SRPK2: variants seen among roughly 807,000 people sequenced by gnomAD.
SRPK2 encodes the protein SFRS protein kinase 2.
In SRPK2, 21 loss-of-function variants were observed where a neutral mutation model predicts 90.8. The ratio of observed to expected loss-of-function variants is 0.23; its 90% CI spans 0.16 to 0.33. The LOEUF (loss-of-function observed/expected upper bound fraction) is 0.33, where lower values mean the gene tolerates loss of function less well. Ranked by LOEUF, SRPK2 falls within the 10% of genes least tolerant of loss-of-function variation. The pLI is 1.00. For missense variants in SRPK2, 620 were observed against 869.0 expected, an observed-to-expected ratio of 0.71 and a Z score of 3.60; for synonymous variants, 288 against 311.1, an observed-to-expected ratio of 0.93 and a Z score of 0.78.
chr7:105,367,305 C>G (rs377326810), intron 2 of SRPK2, among the ~76,000 whole-genome samples: 2 of 152,108 alleles, frequency 1.3e-5, no homozygotes, highest in Non-Finnish European at 2.9e-5. Context: ...CTCTGTCACC[C>G]AGGCTGGAGT....
chr7:105,158,922 A>C (rs1806988256), intron 7 of SRPK2, among the ~76,000 whole-genome samples: 1 of 151,256 alleles, frequency 6.6e-6, no homozygotes, highest in Non-Finnish European at 1.5e-5. Flanking sequence ...TTCTGCCCTC[A>C]CCACATAACC....
intron 2 of SRPK2, chr7:105,245,083 C>A: frequency 2.0e-6 from 1 of 512,232 alleles, no homozygotes; most frequent in South Asian, 2.3e-5. Context: ...ACCTCTTTTT[C>A]TTAGTATTTC....
intron 7 of SRPK2, among the ~76,000 whole-genome samples, chr7:105,155,503 G>C (rs1031215114): frequency 6.6e-6 from 1 of 152,178 alleles, no homozygotes; most frequent in Non-Finnish European, 1.5e-5. Flanking sequence ...GCAAAGTTCA[G>C]AGATATTTCT....
At chr7:105,241,937 T>C (rs1208524198) in intron 2 of SRPK2, among the ~76,000 whole-genome samples, 1 of 150,390 alleles carries the variant, frequency 6.6e-6, no homozygotes, top group African/African-American at 2.4e-5. Context: ...CAAGAAAAGG[T>C]CATTGGGGCC....
At chr7:105,195,928 G>T (rs1437550414) in intron 3 of SRPK2, among the ~76,000 whole-genome samples, 1 of 152,188 alleles carries the variant, frequency 6.6e-6, no homozygotes, top group African/African-American at 2.4e-5. Context: ...CATTCTAGTG[G>T]CAAAGTCTAA....
intron 2 of SRPK2, among the ~76,000 whole-genome samples, chr7:105,339,610 C>T (rs1815508724): frequency 6.6e-6 from 1 of 152,170 alleles, no homozygotes; most frequent in African/African-American, 2.4e-5. Flanking sequence ...CTCCTGTGAT[C>T]CCTGAGAATA....
In SRPK2 at chr7:105,170,835, GGAAGAAAGAAAGAAAGA is replaced by G. The variant is rs1563024880; in HGVS notation, c.230-1587_230-1571del. Among the ~76,000 whole-genome samples, 134 of 98,940 alleles carry G rather than the reference GGAAGAAAGAAAGAAAGA, an allele frequency of 1.4e-3. 5 individuals are homozygous for G. The highest frequency in any genetic ancestry group is 1.8e-3 in the Non-Finnish European group (90 of 49,822). 64.9% of individuals were successfully genotyped at this position (98,940 alleles called of 152,430 possible). A position where few individuals can be genotyped will look rare whatever the true frequency, so the allele number is the denominator to read the frequency against. Reference sequence around the variant, plus strand: ...AGAGAGGGAGAGAAAGAGAAAGAAAGGAAGAAAGAAAGAAAGAAAGAAAGAAAGAAAGAAAGAAAGAA... The same window carrying G: ...AGAGAGGGAGAGAAAGAGAAAGAAAGAAGAAAGAAAGAAAGAAAGAAAGAA... On this transcript the variant is annotated intron_variant, in intron 3 of 15. Coordinates refer to ENST00000393651, the MANE Select transcript of SRPK2 (RefSeq NM_182692.3).
At chr7:105,394,196 G>A (rs924179592), upstream of SRPK2, among the ~76,000 whole-genome samples, 1 of 148,856 alleles carries the variant, frequency 6.7e-6, no homozygotes, top group African/African-American at 2.5e-5. Context: ...AGGCTGGAGT[G>A]CAGTGGCATG....
chr7:105,357,972 CCCAG>C (rs1817971205), intron 2 of SRPK2, among the ~76,000 whole-genome samples: 1 of 152,102 alleles, frequency 6.6e-6, no homozygotes, highest in Admixed American at 6.6e-5. Context: ...CGCCTATAAT[CCCAG>C]CACTTTGGGA....
chr7:105,231,166 T>A (rs1799379525), intron 2 of SRPK2, among the ~76,000 whole-genome samples: 1 of 152,210 alleles, frequency 6.6e-6, no homozygotes. Flanking sequence ...CGCCCCCTTA[T>A]AAATAAGAAC....
intron 2 of SRPK2, among the ~76,000 whole-genome samples, chr7:105,299,765 G>A (rs957285439): frequency 2.6e-5 from 4 of 152,026 alleles, no homozygotes; most frequent in Non-Finnish European, 5.9e-5. Flanking sequence ...GTGGTGGAGG[G>A]TGCCTGTAAT....
chr7:105,275,408 C>G (rs1806357543), intron 2 of SRPK2, among the ~76,000 whole-genome samples: 1 of 128,956 alleles, frequency 7.8e-6, no homozygotes, highest in Non-Finnish European at 1.7e-5. Flanking sequence ...ATACATCCCT[C>G]AAAGCCAACA....
intron 13 of SRPK2, among the ~76,000 whole-genome samples, chr7:105,127,474 C>T (rs1243102012): frequency 2.0e-5 from 3 of 152,230 alleles, no homozygotes; most frequent in Non-Finnish European, 2.9e-5. Flanking sequence ...GCAGACACTG[C>T]TGCGTCTTTT....
chr7:105,230,850 C>T (rs1799338663), intron 2 of SRPK2, among the ~76,000 whole-genome samples: 1 of 152,142 alleles, frequency 6.6e-6, no homozygotes, highest in Non-Finnish European at 1.5e-5. Flanking sequence ...AAAAAGTATA[C>T]AACTATTATC....
intron 2 of SRPK2, among the ~76,000 whole-genome samples, chr7:105,276,309 G>A (rs1806486722): frequency 6.6e-6 from 1 of 151,752 alleles, no homozygotes; most frequent in African/African-American, 2.4e-5. Flanking sequence ...GAACTCCTGG[G>A]CTCAACCGAT....
chr7:105,154,752 C>T (rs1806244775), intron 7 of SRPK2, among the ~76,000 whole-genome samples: 1 of 152,206 alleles, frequency 6.6e-6, no homozygotes, highest in African/African-American at 2.4e-5. Context: ...TCTCGGCTCA[C>T]TGCAACCTCC....
chr7:105,176,399 A>C (rs1791850062), intron 3 of SRPK2, among the ~76,000 whole-genome samples: 1 of 152,186 alleles, frequency 6.6e-6, no homozygotes, highest in South Asian at 2.1e-4. Context: ...AAACAAGATA[A>C]GGATGTCTGC....
chr7:105,159,464 A>AAAAAAAAAAAAAAAAAAC (rs1807168874), intron 7 of SRPK2, among the ~76,000 whole-genome samples: 1 of 141,594 alleles, frequency 7.1e-6, no homozygotes, highest in African/African-American at 2.9e-5. Context: ...AAAAAAAAAA[A>AAAAAAAAAAAAAAAAAAC]AAAAAAAAAC....
At chr7:105,205,644 T>C (rs1169218754) in intron 2 of SRPK2, among the ~76,000 whole-genome samples, 1 of 151,582 alleles carries the variant, frequency 6.6e-6, no homozygotes, top group African/African-American at 2.4e-5. Flanking sequence ...GCCATGTAAA[T>C]GCTCGCTTCT....
Sources: gnomAD v4.1 joint callset for allele counts (sites outside exome capture counted in the v4.1 genomes callset) on GRCh38, gnomAD v4.1.1 for gene constraint, MANE v1.5 for transcripts, NCBI Gene and HGNC (gene_info 2026-07-23, HGNC 2026-07-21) for gene names.